The following SLCO3A1 variants were observed in gnomAD, a reference collection of about 807,000 sequenced individuals.
The protein encoded by SLCO3A1 is solute carrier organic anion transporter family member 3A1.
A neutral mutation model predicts 63.1 loss-of-function variants in SLCO3A1; 27 were observed. The observed-to-expected ratio is 0.43, with a 90% CI of 0.32 to 0.59. SLCO3A1 has a LOEUF of 0.59. Among genes scored for constraint, SLCO3A1 ranks in the 20% least tolerant of loss-of-function variants. The probability of loss-of-function intolerance (pLI) is 0.09; values close to 1 mark genes in which losing one functional copy is unlikely to be tolerated. For synonymous variants in SLCO3A1, 473 were observed against 409.9 expected (o/e 1.15, Z -1.86); for missense variants, 773 against 945.8 (o/e 0.82, Z 2.40).
chr15:91,943,823 C>T (rs1460471043), intron 2 of SLCO3A1, among the ~76,000 whole-genome samples: 2 of 152,136 alleles, frequency 1.3e-5, no homozygotes, highest in Non-Finnish European at 2.9e-5. Context: ...CGCTGGCTTC[C>T]TCTCCCCAGA....
At chr15:91,891,600 A>G (rs930840808) in intron 1 of SLCO3A1, among the ~76,000 whole-genome samples, 2 of 152,180 alleles carry the variant, frequency 1.3e-5, no homozygotes, top group Admixed American at 6.5e-5. Context: ...TTCCAGGGTC[A>G]GCTTCATGGG....
At chr15:92,141,741 C>G (rs1424207610) in intron 7 of SLCO3A1, among the ~76,000 whole-genome samples, 2 of 152,188 alleles carry the variant, frequency 1.3e-5, no homozygotes, top group Admixed American at 1.3e-4. Context: ...CTACCACACT[C>G]GGACATCTGA....
At chr15:92,106,404 G>A (rs149408885) in intron 4 of SLCO3A1, among the ~76,000 whole-genome samples, 7 of 152,200 alleles carry the variant, frequency 4.6e-5, no homozygotes, top group South Asian at 2.1e-4. Context: ...GGGTGCCTGC[G>A]ACTCCCCTAG....
chr15:92,160,407 T>C (rs779931262), intron 9 of SLCO3A1, among the ~76,000 whole-genome samples: 3 of 151,928 alleles, frequency 2.0e-5, no homozygotes, highest in Non-Finnish European at 4.4e-5. Context: ...AAGGCACTTG[T>C]TAGGGGGCAG....
At chr15:91,926,608 C>CGCGCGCGT (rs1447369614) in intron 2 of SLCO3A1, among the ~76,000 whole-genome samples, 2 of 84,336 alleles carry the variant, frequency 2.4e-5, no homozygotes. Context: ...CGCGCGCGCA[C>CGCGCGCGT]GCCCATGCTT....
chr15:91,970,335 C>T (rs541660339), intron 2 of SLCO3A1, among the ~76,000 whole-genome samples: 30 of 152,348 alleles, frequency 2.0e-4, no homozygotes, highest in Admixed American at 2.6e-4. Context: ...AAATCCGCAG[C>T]TGGTGTGCTG....
At chr15:92,032,430 G>A (rs538535833) in intron 2 of SLCO3A1, among the ~76,000 whole-genome samples, 5 of 152,278 alleles carry the variant, frequency 3.3e-5, no homozygotes, top group African/African-American at 1.2e-4. Flanking sequence ...GAGGCTAAGT[G>A]TATAGGGTAA....
At chr15:92,032,386 T>G (rs1257086295) in intron 2 of SLCO3A1, among the ~76,000 whole-genome samples, 1 of 151,766 alleles carries the variant, frequency 6.6e-6, no homozygotes, top group African/African-American at 2.4e-5. Flanking sequence ...AACACAGCAT[T>G]CTAGGTGGAG....
chr15:92,079,883 T>C (rs2047321857), intron 2 of SLCO3A1, among the ~76,000 whole-genome samples: 1 of 152,224 alleles, frequency 6.6e-6, no homozygotes, highest in Non-Finnish European at 1.5e-5. Flanking sequence ...GCAGGGAGCC[T>C]GCAAAACCTG....
intron 8 of SLCO3A1, chr15:92,149,065 T>C (rs2151591116): frequency 6.6e-6 from 1 of 152,298 alleles, no homozygotes; most frequent in East Asian, 1.9e-4. Context: ...TGGAGAAGCA[T>C]GAAAAATGAC....
intron 2 of SLCO3A1, among the ~76,000 whole-genome samples, chr15:91,987,728 A>C (rs1485514737): frequency 2.1e-5 from 3 of 142,248 alleles, no homozygotes; most frequent in African/African-American, 7.9e-5. Context: ...TGGGCGACAG[A>C]GCGAGACTTT....
In SLCO3A1 at chr15:92,147,030, C is replaced by T; in HGVS notation, c.1559C>T (p.Ala520Val). ...ACLTTVPAENATVVPGKCPSP... is the reference protein window; with the variant it reads ...ACLTTVPAENVTVVPGKCPSP... Reference sequence around the variant, plus strand: ...CTCACCACCGTCCCTGCTGAGAACGCAACCGTGGTTCCTGGAAAATGCCCC... The same window carrying T: ...CTCACCACCGTCCCTGCTGAGAACGTAACCGTGGTTCCTGGAAAATGCCCC... The change falls in exon 8 of 10, where the codon GCA becomes GTA. Residue 520 changes from alanine (A) to valine (V), a missense_variant. This residue lies in a region of SLCO3A1 where 565 missense variants were observed against 749.8 expected (regional missense o/e 0.75). Transcript: ENST00000318445. 1 of 1,614,170 alleles carries T rather than the reference C, an allele frequency of 6.2e-7. No individual in the cohort carries two copies. The highest frequency in any genetic ancestry group is 8.5e-7 in the Non-Finnish European group (1 of 1,180,010).
At chr15:92,097,623 G>A (rs1340806677) in intron 3 of SLCO3A1, among the ~76,000 whole-genome samples, 5 of 152,198 alleles carry the variant, frequency 3.3e-5, no homozygotes, top group Admixed American at 6.5e-5. Flanking sequence ...TGGGCATCTC[G>A]CTGATGACAG....
intron 4 of SLCO3A1, among the ~76,000 whole-genome samples, chr15:92,107,421 C>T (rs56078750): frequency 2.7e-3 from 408 of 149,972 alleles, no homozygotes; most frequent in African/African-American, 9.4e-3. Context: ...TTTTGCTATA[C>T]GAGCTTTTCC....
chr15:91,913,909 G>T (rs893690122), intron 1 of SLCO3A1, among the ~76,000 whole-genome samples: 2 of 152,038 alleles, frequency 1.3e-5, no homozygotes, highest in African/African-American at 2.4e-5. Context: ...TGTTGACGTG[G>T]CCTTTTCTTC....
At chr15:92,091,591 A>G (rs574386936) in intron 2 of SLCO3A1, among the ~76,000 whole-genome samples, 3 of 152,238 alleles carry the variant, frequency 2.0e-5, no homozygotes, top group South Asian at 2.1e-4. Context: ...TTGTTAAGAT[A>G]TTTCTGAAGG....
chr15:91,987,601 G>C (rs1042193917), intron 2 of SLCO3A1, among the ~76,000 whole-genome samples: 1 of 151,970 alleles, frequency 6.6e-6, no homozygotes, highest in Non-Finnish European at 1.5e-5. Context: ...AAATTAGCCG[G>C]GTGTGGTGGC....
chr15:92,045,956 C>G (rs1046559145), intron 2 of SLCO3A1, among the ~76,000 whole-genome samples: 2 of 152,110 alleles, frequency 1.3e-5, no homozygotes, highest in African/African-American at 2.4e-5. Context: ...ATGGTGTTGA[C>G]AGTACACCGG....
At chr15:92,114,772 T>C in intron 4 of SLCO3A1, among the ~76,000 whole-genome samples, 1 of 152,154 alleles carries the variant, frequency 6.6e-6, no homozygotes, top group East Asian at 1.9e-4. Flanking sequence ...ACAACTTTTA[T>C]AGATTCAAGT....
Sources: gnomAD v4.1 joint callset for allele counts (sites outside exome capture counted in the v4.1 genomes callset) on GRCh38, gnomAD v4.1.1 for gene constraint, gnomAD v4.1.1 regional missense constraint, MANE v1.5 for transcripts, NCBI Gene and HGNC (gene_info 2026-07-23, HGNC 2026-07-21) for gene names.